PCDH9: variants seen among roughly 807,000 people sequenced by gnomAD.
PCDH9 encodes the protein protocadherin 9, also known as protocadherin-9.
PCDH9 carries 24 observed loss-of-function variants against 70.6 expected under a neutral mutation model. The observed-to-expected ratio is 0.34, with a 90% CI of 0.25 to 0.48. The LOEUF (loss-of-function observed/expected upper bound fraction) is 0.48, where lower values mean the gene tolerates loss of function less well. PCDH9 is among the 20% of genes least tolerant of loss of function. PCDH9 has a pLI of 0.99. For missense variants in PCDH9, 1,281 were observed against 1,503.6 expected (o/e 0.85, Z 2.45); for synonymous variants, 562 against 558.5 (o/e 1.01, Z -0.09).
At chr13:66,563,636 A>T (rs2076609565) in intron 4 of PCDH9, among the ~76,000 whole-genome samples, 1 of 151,830 alleles carries the variant, frequency 6.6e-6, no homozygotes, top group South Asian at 2.1e-4. Flanking sequence ...ATTGTGCCCC[A>T]CTCTCAGTAG....
chr13:67,164,669 GCCTGC>G (rs2088060452), intron 2 of PCDH9, among the ~76,000 whole-genome samples: 1 of 152,020 alleles, frequency 6.6e-6, no homozygotes, highest in Non-Finnish European at 1.5e-5. Flanking sequence ...CCTTCCAGGT[GCCTGC>G]ACTCTGATCA....
At chr13:66,388,787 C>T (rs1294123386) in intron 4 of PCDH9, among the ~76,000 whole-genome samples, 1 of 151,958 alleles carries the variant, frequency 6.6e-6, no homozygotes, top group Non-Finnish European at 1.5e-5. Context: ...CAAATGTGGT[C>T]AGGCAAGTCT....
intron 2 of PCDH9, among the ~76,000 whole-genome samples, chr13:66,966,047 T>C (rs544959134): frequency 2.0e-5 from 3 of 152,294 alleles, no homozygotes; most frequent in South Asian, 4.1e-4. Context: ...AAGAAATAGC[T>C]GAATTGCATG....
At chr13:67,206,916 A>G (rs1423622950) in intron 2 of PCDH9, 1 of 152,238 alleles carries the variant, frequency 6.6e-6, no homozygotes, top group African/African-American at 2.4e-5. Context: ...GAATAATCAC[A>G]AAACTCTGCT....
At chr13:66,321,933 G>A (rs1342701872) in intron 4 of PCDH9, among the ~76,000 whole-genome samples, 1 of 151,774 alleles carries the variant, frequency 6.6e-6, no homozygotes, top group Non-Finnish European at 1.5e-5. Flanking sequence ...CAATGGACTA[G>A]AATATTCTAA....
chr13:66,961,208 AGTG>A lies in PCDH9; in HGVS notation c.3037-57606_3037-57604del, dbSNP rs1246006195. Among the ~76,000 whole-genome samples, 5 of 152,198 alleles carry A rather than the reference AGTG, an allele frequency of 3.3e-5. No homozygotes were observed. The South Asian group carries it at 1.0e-3, about 31-fold the overall frequency. On this transcript the variant is annotated intron_variant, in intron 2 of 4. Transcript: ENST00000377865. The stretch of plus-strand genomic sequence containing the variant: ...TACTCCACTGGTGTTTCATTTTAAA[AGTG>A]GTGGTATGAAAACAATCAGAGAGTT...
chr13:66,381,398 T>C (rs1956846063), intron 4 of PCDH9, among the ~76,000 whole-genome samples: 1 of 152,244 alleles, frequency 6.6e-6, no homozygotes, highest in Non-Finnish European at 1.5e-5. Flanking sequence ...GTAAAACTTA[T>C]GTGTATAAGT....
intron 4 of PCDH9, among the ~76,000 whole-genome samples, chr13:66,461,922 GC>G (rs1391469923): frequency 1.3e-5 from 2 of 151,594 alleles, no homozygotes; most frequent in African/African-American, 2.4e-5. Context: ...ATAGTCAGAG[GC>G]CTTACCATAC....
At chr13:66,412,340 TC>T (rs1268554862) in intron 4 of PCDH9, among the ~76,000 whole-genome samples, 2 of 152,162 alleles carry the variant, frequency 1.3e-5, no homozygotes, top group East Asian at 3.9e-4. Context: ...TAATTTTTTT[TC>T]TTTTAGATAT....
chr13:66,668,206 A>C (rs2139032281), intron 3 of PCDH9, among the ~76,000 whole-genome samples: 1 of 152,298 alleles, frequency 6.6e-6, no homozygotes, highest in South Asian at 2.1e-4. Context: ...TGTTTAGGAC[A>C]GTTTGAAAAG....
rs1480749919 is a variant in PCDH9, at chr13:66,600,959, AG to A, written c.3340+30250del. On this transcript the variant is annotated intron_variant, in intron 4 of 4. Coordinates refer to ENST00000377865, the MANE Select transcript of PCDH9 (RefSeq NM_203487.3). ...TCTTAATTACTATAAAATTACAAGG[AG>A]GGGGAGAGAGTGTATCATTTCATTT... Among the ~76,000 whole-genome samples, 2 of 145,206 alleles carry A rather than the reference AG, an allele frequency of 1.4e-5. 1 individual carries two copies. The highest frequency in any genetic ancestry group is 3.1e-5 in the Non-Finnish European group (2 of 64,560).
chr13:66,561,057 A>G (rs2152742), intron 4 of PCDH9, among the ~76,000 whole-genome samples: 126,281 of 152,270 alleles, frequency 0.83, 52,611 homozygotes, highest in East Asian at 1. Context: ...TTGCTGGGAG[A>G]TGTGGAGGGA....
intron 4 of PCDH9, among the ~76,000 whole-genome samples, chr13:66,387,506 G>A (rs1032877625): frequency 6.2e-5 from 9 of 144,446 alleles, no homozygotes; most frequent in South Asian, 4.6e-4. Context: ...ATCACATTGA[G>A]TAAATTCTTA....
At chr13:66,631,486 A>G in intron 3 of PCDH9, 75 bp from the exon 4 acceptor site, 1 of 812,296 alleles carries the variant, frequency 1.2e-6, no homozygotes, top group South Asian at 1.5e-5. Context: ...CACAAAATCA[A>G]AACACTTTCA....
intron 4 of PCDH9, among the ~76,000 whole-genome samples, chr13:66,445,558 A>C (rs9571585): frequency 7.1e-6 from 1 of 141,602 alleles, no homozygotes. Context: ...CACATATATA[A>C]TATATACGTG....
intron 4 of PCDH9, among the ~76,000 whole-genome samples, chr13:66,428,607 A>T (rs1957714517): frequency 6.6e-6 from 1 of 151,774 alleles, no homozygotes; most frequent in Non-Finnish European, 1.5e-5. Context: ...CTTATTTATA[A>T]ATCAGGGAAA....
intron 3 of PCDH9, among the ~76,000 whole-genome samples, chr13:66,654,867 C>T (rs1020075185): frequency 1.1e-4 from 11 of 104,560 alleles, no homozygotes; most frequent in Non-Finnish European, 7.9e-5. Flanking sequence ...TGCCACAATG[C>T]TCAGGTAATT....
chr13:66,357,395 G>T (rs1312781817), intron 4 of PCDH9, among the ~76,000 whole-genome samples: 1 of 152,040 alleles, frequency 6.6e-6, no homozygotes, highest in Non-Finnish European at 1.5e-5. Context: ...ATCTTGAAAG[G>T]CAGGTTGTTA....
At chr13:66,637,714 C>A (rs2138954525) in intron 3 of PCDH9, among the ~76,000 whole-genome samples, 1 of 151,332 alleles carries the variant, frequency 6.6e-6, no homozygotes, top group Admixed American at 6.6e-5. Flanking sequence ...GATATCGAGA[C>A]CATGCTGGCT....
Sources: allele counts gnomAD v4.1 joint callset (sites outside exome capture counted in the v4.1 genomes callset), GRCh38; gene constraint gnomAD v4.1.1; transcripts MANE v1.5; gene names NCBI Gene and HGNC (gene_info 2026-07-23, HGNC 2026-07-21).